GRID1: variants seen among roughly 807,000 people sequenced by gnomAD.
GRID1 encodes the protein glutamate ionotropic receptor delta type subunit 1.
In GRID1, 28 loss-of-function variants were observed where a neutral mutation model predicts 98.0. The ratio of observed to expected loss-of-function variants is 0.29; its 90% CI spans 0.21 to 0.39. The LOEUF (loss-of-function observed/expected upper bound fraction) is 0.39, where lower values mean the gene tolerates loss of function less well. GRID1 is among the 10% of genes least tolerant of loss of function. The probability of loss-of-function intolerance (pLI) is 1.00; values close to 1 mark genes in which losing one functional copy is unlikely to be tolerated. For missense variants in GRID1, 1,111 were observed against 1,340.5 expected, an observed-to-expected ratio of 0.83 and a Z score of 2.67; for synonymous variants, 553 against 538.5, an observed-to-expected ratio of 1.03 and a Z score of -0.37.
chr10:86,254,676 T>C (rs921129510), intron 2 of GRID1, among the ~76,000 whole-genome samples: 1 of 152,214 alleles, frequency 6.6e-6, no homozygotes, highest in African/African-American at 2.4e-5. Context: ...TTCTCCACAA[T>C]GGCAGGCAGG....
intron 4 of GRID1, among the ~76,000 whole-genome samples, chr10:85,982,132 G>C (rs549746742): frequency 1.3e-5 from 2 of 150,586 alleles, no homozygotes; most frequent in Non-Finnish European, 2.9e-5. Context: ...TGGAGACCAG[G>C]ACAGATGGAA....
chr10:86,008,041 T>C (rs1458836296), intron 4 of GRID1, among the ~76,000 whole-genome samples: 7 of 152,068 alleles, frequency 4.6e-5, no homozygotes, highest in Non-Finnish European at 1.0e-4. Context: ...AGACAGTGTA[T>C]GGGCTTAAAG....
At chr10:86,318,464 G>C (rs1847928100) in intron 2 of GRID1, among the ~76,000 whole-genome samples, 1 of 152,230 alleles carries the variant, frequency 6.6e-6, no homozygotes, top group South Asian at 2.1e-4. Flanking sequence ...CCACACCAGG[G>C]GTCCACACAG....
At chr10:86,021,556 C>T (rs1458799615) in intron 4 of GRID1, among the ~76,000 whole-genome samples, 1 of 152,024 alleles carries the variant, frequency 6.6e-6, no homozygotes, top group Non-Finnish European at 1.5e-5. Context: ...ATTAGGTCCA[C>T]AGCAAAACTA....
chr10:86,037,717 C>CA (rs201583090), intron 4 of GRID1, among the ~76,000 whole-genome samples: 3,372 of 148,804 alleles, frequency 0.023, 98 homozygotes, highest in African/African-American at 0.066. Flanking sequence ...ATGCATACAC[C>CA]AAAAAAAAAT....
At chr10:86,143,887 G>A (rs1845046733) in intron 3 of GRID1, among the ~76,000 whole-genome samples, 1 of 152,174 alleles carries the variant, frequency 6.6e-6, no homozygotes, top group South Asian at 2.1e-4. Context: ...AGGTGACGGT[G>A]CCCAGGTCAG....
At chr10:85,882,215 C>T (rs189866245) in intron 5 of GRID1, among the ~76,000 whole-genome samples, 145 of 152,246 alleles carry the variant, frequency 9.5e-4, no homozygotes, top group Non-Finnish European at 1.6e-3. Flanking sequence ...GTCAGTGTGG[C>T]GATTCCTCAG....
rs913095412 is a variant in GRID1, at chr10:85,653,010, G to T, written c.1998-5613C>A. Among the ~76,000 whole-genome samples, 4 of 152,194 alleles carry T rather than the reference G, an allele frequency of 2.6e-5. 1 individual carries two copies. Among genetic ancestry groups the T allele is most frequent in the Non-Finnish European group, 5.9e-5 (4 of 68,038 alleles). ...AATACAATAACTAGGTAATGCCAGG[G>T]TCAGCAAACTTTCTGGAAAGGGACA... On this transcript the variant is annotated intron_variant, in intron 12 of 15. Coordinates refer to ENST00000327946, the MANE Select transcript of GRID1 (RefSeq NM_017551.3).
At chr10:86,041,347 C>T (rs1267882485) in intron 4 of GRID1, among the ~76,000 whole-genome samples, 1 of 152,204 alleles carries the variant, frequency 6.6e-6, no homozygotes. Flanking sequence ...TGCACCATTA[C>T]TGCCTCCAAG....
chr10:86,217,302 C>A (rs1411646390), intron 2 of GRID1, among the ~76,000 whole-genome samples: 2 of 152,208 alleles, frequency 1.3e-5, no homozygotes, highest in African/African-American at 4.8e-5. Flanking sequence ...GAGCCTCTAT[C>A]CCTCACCTGT....
chr10:85,873,129 T>C (rs928986554), intron 5 of GRID1, among the ~76,000 whole-genome samples: 1 of 152,206 alleles, frequency 6.6e-6, no homozygotes, highest in Non-Finnish European at 1.5e-5. Flanking sequence ...ATCCACTCCC[T>C]GCTCACTGAT....
intron 4 of GRID1, among the ~76,000 whole-genome samples, chr10:86,002,401 G>A (rs1410303100): frequency 6.6e-6 from 1 of 152,136 alleles, no homozygotes; most frequent in Non-Finnish European, 1.5e-5. Context: ...CTGCCCCTGA[G>A]TTGTATGTTT....
chr10:85,616,934 C>T (rs1390940477), intron 14 of GRID1, among the ~76,000 whole-genome samples: 1 of 152,184 alleles, frequency 6.6e-6, no homozygotes. Flanking sequence ...GCCCCAACTG[C>T]ATGCTGTGGT....
At chr10:86,285,517 G>C (rs1305854838) in intron 2 of GRID1, among the ~76,000 whole-genome samples, 1 of 152,196 alleles carries the variant, frequency 6.6e-6, no homozygotes, top group African/African-American at 2.4e-5. Context: ...CTGCCGACTG[G>C]GTCAACAACA....
intron 12 of GRID1, among the ~76,000 whole-genome samples, chr10:85,689,055 T>C (rs897379204): frequency 6.6e-6 from 1 of 152,248 alleles, no homozygotes; most frequent in Admixed American, 6.5e-5. Flanking sequence ...ATTTTGATTC[T>C]ATCAGTCAAC....
At chr10:85,910,342 T>G (rs1841520086) in intron 5 of GRID1, among the ~76,000 whole-genome samples, 1 of 152,216 alleles carries the variant, frequency 6.6e-6, no homozygotes, top group Non-Finnish European at 1.5e-5. Context: ...CTTTGTTTTC[T>G]TCAATTAGAG....
intron 2 of GRID1, among the ~76,000 whole-genome samples, chr10:86,243,474 C>T (rs576886043): frequency 1.4e-4 from 21 of 152,218 alleles, no homozygotes; most frequent in Middle Eastern, 6.8e-3. Context: ...CCAATGGGAA[C>T]TCAGCTCCTC....
chr10:85,882,432 A>G (rs556819955), intron 5 of GRID1, among the ~76,000 whole-genome samples: 13 of 152,354 alleles, frequency 8.5e-5, no homozygotes, highest in Admixed American at 2.6e-4. Context: ...ACCATGGAAT[A>G]CTATGCAGCC....
chr10:86,084,677 T>C (rs1217017691), intron 4 of GRID1, among the ~76,000 whole-genome samples: 1 of 152,220 alleles, frequency 6.6e-6, no homozygotes, highest in Non-Finnish European at 1.5e-5. Flanking sequence ...TGTCTATCCA[T>C]GCAATGAATA....
Sources: allele counts gnomAD v4.1 joint callset (sites outside exome capture counted in the v4.1 genomes callset), GRCh38; gene constraint gnomAD v4.1.1; transcripts MANE v1.5; gene names NCBI Gene and HGNC (gene_info 2026-07-23, HGNC 2026-07-21).